FHOD3: variants seen among roughly 807,000 people sequenced by gnomAD.
FHOD3 encodes the protein formin homology 2 domain containing 3.
A neutral mutation model predicts 173.0 loss-of-function variants in FHOD3; 90 were observed. The observed-to-expected ratio is 0.52, with a 90% CI of 0.44 to 0.62. FHOD3 has a LOEUF of 0.62. FHOD3 is among the 20% of genes least tolerant of loss of function. The pLI, the probability that FHOD3 is intolerant of heterozygous loss-of-function variation, is 0.00. For synonymous variants in FHOD3, 828 were observed against 823.0 expected, an observed-to-expected ratio of 1.01 and a Z score of -0.10; for missense variants, 1,945 against 2,034.7, an observed-to-expected ratio of 0.96 and a Z score of 0.85.
intron 6 of FHOD3, among the ~76,000 whole-genome samples, chr18:36,594,374 G>C (rs1034420658): frequency 6.6e-6 from 1 of 152,074 alleles, no homozygotes; most frequent in Non-Finnish European, 1.5e-5. Context: ...TTAACCTGCT[G>C]TTTCTGCTTC....
At chr18:36,414,653 A>T (rs1245596882) in intron 3 of FHOD3, among the ~76,000 whole-genome samples, 1 of 152,192 alleles carries the variant, frequency 6.6e-6, no homozygotes, top group Non-Finnish European at 1.5e-5. Context: ...GGTGGCTGTG[A>T]TGCCTGTGAT....
At position 36,744,059 on chromosome 18, in the gene FHOD3, G is replaced by A. The variant is rs144885199; in HGVS notation, c.3907G>A (p.Glu1303Lys). ...NAKAFELSYL[E>K]KVPEVKDTVH... is the part of the protein sequence containing the mutation. ...CAAAGCGTTTGAGTTAAGCTACCTC[G>A]AGAAGGTTCCAGAAGTCAAAGACAC... Residue 1303 changes from glutamate (E) to lysine (K), a missense_variant, in exon 23 of 29, where the codon GAG becomes AAG. Glu to Lys is a moderately conservative substitution (Grantham distance 56, BLOSUM62 1). This residue lies in a region of FHOD3 where 231 missense variants were observed against 321.9 expected (regional missense o/e 0.72). Coordinates refer to ENST00000590592, the MANE Select transcript of FHOD3 (RefSeq NM_001281740.3). 3.8e-5 allele frequency: 61 copies of A among 1,614,046 alleles called. No individual in the cohort carries two copies. Among genetic ancestry groups the A allele is most frequent in the Non-Finnish European group, 4.7e-5 (56 of 1,180,052 alleles).
chr18:36,448,957 C>G (rs188179486), intron 3 of FHOD3, among the ~76,000 whole-genome samples: 2 of 151,858 alleles, frequency 1.3e-5, no homozygotes, highest in East Asian at 1.9e-4. Flanking sequence ...TTTCCTCCCC[C>G]TCCCTACTTT....
At chr18:36,580,627 C>T (rs2148076682) in intron 6 of FHOD3, among the ~76,000 whole-genome samples, 1 of 152,344 alleles carries the variant, frequency 6.6e-6, no homozygotes, top group East Asian at 1.9e-4. Flanking sequence ...AATGAGATCA[C>T]CTCTTATTTA....
chr18:36,389,062 C>T (rs1350675975), intron 3 of FHOD3, among the ~76,000 whole-genome samples: 2 of 152,126 alleles, frequency 1.3e-5, no homozygotes, highest in Non-Finnish European at 2.9e-5. Flanking sequence ...TCCTGCACGA[C>T]GGGTTCGTGT....
intron 5 of FHOD3, among the ~76,000 whole-genome samples, chr18:36,518,722 G>A (rs1284502514): frequency 6.6e-6 from 1 of 152,208 alleles, no homozygotes; most frequent in Non-Finnish European, 1.5e-5. Context: ...GCCGACCCAG[G>A]CCCTGTGGGA....
chr18:36,657,958 A>G (rs2036530862), intron 13 of FHOD3, 117 bp from the exon 14 acceptor site: 4 of 688,402 alleles, frequency 5.8e-6, no homozygotes, highest in Non-Finnish European at 9.9e-6. Flanking sequence ...TAACAGTGGT[A>G]GCATTTCCAG....
At chr18:36,537,829 A>G (rs12969158) in intron 5 of FHOD3, among the ~76,000 whole-genome samples, 33,401 of 152,074 alleles carry the variant, frequency 0.22, 4,157 homozygotes, top group East Asian at 0.53. Context: ...AGTCAGTAAC[A>G]CCATTAACCA....
intron 4 of FHOD3, among the ~76,000 whole-genome samples, chr18:36,507,906 G>A (rs571337807): frequency 2.0e-5 from 3 of 152,200 alleles, no homozygotes; most frequent in African/African-American, 7.2e-5. Context: ...CCTGCCTATT[G>A]TCTCCATTCT....
intron 10 of FHOD3, among the ~76,000 whole-genome samples, chr18:36,631,935 G>A (rs2034543449): frequency 6.6e-6 from 1 of 151,994 alleles, no homozygotes; most frequent in African/African-American, 2.4e-5. Context: ...AAAAATTATT[G>A]CTAATGTTCC....
rs1005602540 is a variant in FHOD3, at chr18:36,479,580, G to C, written c.338-22352G>C. On this transcript the variant is annotated intron_variant, in intron 3 of 28. Coordinates refer to ENST00000590592, the MANE Select transcript of FHOD3 (RefSeq NM_001281740.3). ...CATTCAGTTGCTCAGGGCCATTTTA[G>C]GAATGTGTACTATAAAGTATATATA... 2.3e-5 allele frequency among the ~76,000 whole-genome samples: 3 copies of C among 132,680 alleles called. No individual in the cohort carries two copies. The Admixed American group carries it at 2.5e-4, about 11-fold the overall frequency. 87.0% of individuals were successfully genotyped at this position (132,680 alleles called of 152,430 possible). A position where few individuals can be genotyped will look rare whatever the true frequency, so the allele number is the denominator to read the frequency against.
intron 24 of FHOD3, among the ~76,000 whole-genome samples, chr18:36,748,418 C>CAT (rs35184453): frequency 2.0e-5 from 3 of 148,220 alleles, no homozygotes; most frequent in East Asian, 3.9e-4. Flanking sequence ...CACACACACA[C>CAT]GGAGAGAGAA....
At chr18:36,736,545 C>CT (rs1346718356) in intron 20 of FHOD3, among the ~76,000 whole-genome samples, 3 of 152,190 alleles carry the variant, frequency 2.0e-5, no homozygotes, top group African/African-American at 7.2e-5. Flanking sequence ...GGAAAGTAAT[C>CT]TTCCCCCAGA....
chr18:36,542,487 T>C (rs2057263559), intron 5 of FHOD3, among the ~76,000 whole-genome samples: 1 of 152,208 alleles, frequency 6.6e-6, no homozygotes. Context: ...TCAATTTCAT[T>C]GAGTATTCTG....
rs185369720 is a variant in FHOD3, at chr18:36,313,359, A to G, written c.165+15359A>G. Among the ~76,000 whole-genome samples the G allele has an allele frequency of 1.9e-3, 296 of 152,322 alleles. 3 individuals are homozygous for G. The highest frequency in any genetic ancestry group is 6.7e-3 in the African/African-American group (278 of 41,556). ...CAGTCCTATGAGTTTTCATATATGCATAAGTTTTTGTGACTGCCACCACTA... is the reference window on the plus strand; with the variant it reads ...CAGTCCTATGAGTTTTCATATATGCGTAAGTTTTTGTGACTGCCACCACTA... On this transcript the variant is annotated intron_variant, in intron 1 of 28. Transcript: ENST00000590592.
chr18:36,674,388 A>AT (rs1052255751), intron 14 of FHOD3, among the ~76,000 whole-genome samples: 3 of 152,014 alleles, frequency 2.0e-5, no homozygotes, highest in African/African-American at 4.8e-5. Flanking sequence ...ATTTATTTTT[A>AT]TTTTTTTGAG....
At chr18:36,550,453 G>T (rs9956637) in intron 5 of FHOD3, among the ~76,000 whole-genome samples, 25,397 of 150,674 alleles carry the variant, frequency 0.17, 2,311 homozygotes, top group Admixed American at 0.25. Flanking sequence ...AAGAATTTTG[G>T]TTTTTTTTCT....
intron 9 of FHOD3, among the ~76,000 whole-genome samples, chr18:36,614,970 C>T (rs2033066658): frequency 6.6e-6 from 1 of 151,566 alleles, no homozygotes; most frequent in Non-Finnish European, 1.5e-5. Context: ...CCTGCCTCAG[C>T]CCCCTGAGTA....
intron 5 of FHOD3, among the ~76,000 whole-genome samples, chr18:36,564,828 A>T (rs1411378545): frequency 6.6e-6 from 1 of 151,770 alleles, no homozygotes; most frequent in Non-Finnish European, 1.5e-5. Context: ...TTTTTGGGGG[A>T]CCTTTTTTAG....
Sources: allele counts gnomAD v4.1 joint callset (sites outside exome capture counted in the v4.1 genomes callset), GRCh38; gene constraint gnomAD v4.1.1; regional missense constraint gnomAD v4.1.1; transcripts MANE v1.5; gene names NCBI Gene and HGNC (gene_info 2026-07-23, HGNC 2026-07-21).